Variants in MAGT1 observed in about 807,000 individuals in gnomAD.
MAGT1 encodes the protein dolichyl-diphosphooligosaccharide--protein glycosyltransferase subunit MAGT1.
Under a neutral mutation model 28.4 loss-of-function variants are expected in MAGT1, and 4 were observed. The observed-to-expected ratio is 0.14, with a 90% CI of 0.07 to 0.32. MAGT1 has a LOEUF of 0.32. MAGT1 is among the 10% of genes least tolerant of loss of function. The pLI, the probability that MAGT1 is intolerant of heterozygous loss-of-function variation, is 1.00. For missense variants in MAGT1, 193 were observed against 264.5 expected (o/e 0.73, Z 1.88); for synonymous variants, 89 against 89.7 (o/e 0.99, Z 0.04).
At position 77,830,828 on chromosome X, in the gene MAGT1, A is replaced by C; in HGVS notation, c.969T>G (p.Ser323=). The C allele has an allele frequency of 2.6e-6, 3 of 1,153,668 alleles. No individual in the cohort carries two copies. The highest frequency in any genetic ancestry group is 3.5e-6 in the Non-Finnish European group (3 of 855,730). ...ACCTGTATGGGTAGCCATGATATTT[A>C]GATCTAAAAATAGAGAGCATCCAAC... ...FFSWMLSIFR[S]KYHGYPYSFL... is the part of the protein sequence containing the mutation. The change falls in exon 9 of 10, where the codon TCT becomes TCG. Residue 323 remains serine (S), a synonymous_variant. Coordinates refer to ENST00000618282, the MANE Select transcript of MAGT1 (RefSeq NM_001367916.1).
In MAGT1 at chrX:77,889,780, T is replaced by C. The variant is rs2077077346; in HGVS notation, c.102+5529A>G. ...TCCATCTCCTCAAGCATTTATCCTT[T>C]GTGTTACAAACAATCCTATTATACT... On this transcript the variant is annotated intron_variant, in intron 1 of 9. Transcript: ENST00000618282. 2.7e-5 allele frequency among the ~76,000 whole-genome samples: 3 copies of C among 112,158 alleles called. No homozygotes were observed. The South Asian group carries it at 1.1e-3, about 41-fold the overall frequency.
intron 7 of MAGT1, among the ~76,000 whole-genome samples, chrX:77,841,587 A>G (rs1205242229): frequency 8.9e-6 from 1 of 111,742 alleles, no homozygotes; most frequent in African/African-American, 3.2e-5. Context: ...TACAGATGAA[A>G]TATGAGTTTT....
chrX:77,891,114 T>C (rs1557219453), intron 1 of MAGT1, among the ~76,000 whole-genome samples: 1 of 111,062 alleles, frequency 9.0e-6, no homozygotes, highest in African/African-American at 3.3e-5. Context: ...GATGCGAGGA[T>C]GAACAACTTC....
rs1603358301 is a variant in MAGT1 at position 77,828,244 on chromosome X, G to A, written c.*976C>T. 1 of 110,724 alleles carries A rather than the reference G, an allele frequency of 9.0e-6. No homozygotes were observed. Among genetic ancestry groups the A allele is most frequent in the Admixed American group, 9.7e-5 (1 of 10,316 alleles). The allele number at this position is 110,724 out of a possible 1,213,427, so 9.1% of individuals were successfully genotyped here. ...ATCCACCTGCCTCGGACTCCCAATA[G>A]ATGTCTTTTCATGTTCACAGCTATC... On this transcript the variant is annotated 3_prime_UTR_variant, in exon 10 of 10. Coordinates refer to ENST00000618282, the MANE Select transcript of MAGT1 (RefSeq NM_001367916.1).
intron 3 of MAGT1, among the ~76,000 whole-genome samples, chrX:77,862,596 T>C (rs781862182): frequency 1.8e-5 from 2 of 111,548 alleles, no homozygotes; most frequent in South Asian, 3.7e-4. Context: ...ACAAAGGACA[T>C]GAATAGACAT....
At chrX:77,895,452 T>C (rs782514247), upstream of MAGT1, 1 of 1,200,517 alleles carries the variant, frequency 8.3e-7, no homozygotes, top group Non-Finnish European at 1.1e-6. Flanking sequence ...TTGCTCCGGC[T>C]AGGTCTGAGG....
chrX:77,846,769 T>G (rs1323835151), intron 7 of MAGT1, among the ~76,000 whole-genome samples: 7 of 111,733 alleles, frequency 6.3e-5, no homozygotes, highest in Admixed American at 5.7e-4. Context: ...ACAGCAAATG[T>G]TGCTGCCTGA....
chrX:77,875,571 C>G lies in MAGT1; in HGVS notation c.129G>C (p.Gln43His). ...GTCTTTTGTTAGTCCATTCCATCAGCTGACTAACCTTTTCAGATAACACCA... is the reference window on the plus strand; with the variant it reads ...GTCTTTTGTTAGTCCATTCCATCAGGTGACTAACCTTTTCAGATAACACCA... The part of the protein sequence containing the change: ...KEMVLSEKVS[Q>H]LMEWTNKRPV... Residue 43 changes from glutamine (Q) to histidine (H), a missense_variant, in exon 2 of 10, where the codon CAG (glutamine) becomes CAC (histidine). Coordinates refer to ENST00000618282, the MANE Select transcript of MAGT1 (RefSeq NM_001367916.1). 3 of 1,208,476 alleles carry G rather than the reference C, an allele frequency of 2.5e-6. No individual in the cohort carries two copies. Among genetic ancestry groups the G allele is most frequent in the Non-Finnish European group, 3.4e-6 (3 of 894,131 alleles).
chrX:77,830,938 TAATA>T (rs782335423), intron 8 of MAGT1, 43 bp from the exon 9 acceptor site: 1 of 646,055 alleles, frequency 1.5e-6, no homozygotes, highest in East Asian at 4.0e-5. Flanking sequence ...AGGTTGAGTA[TAATA>T]AATAACCATG....
At chrX:77,884,777 A>C (rs1557218831) in intron 1 of MAGT1, among the ~76,000 whole-genome samples, 2 of 106,930 alleles carry the variant, frequency 1.9e-5, no homozygotes, top group African/African-American at 3.4e-5. Flanking sequence ...CCAATCCCAC[A>C]ATATTGTTCT....
chrX:77,849,708 T>C (rs2076961801), intron 7 of MAGT1, among the ~76,000 whole-genome samples: 1 of 109,060 alleles, frequency 9.2e-6, no homozygotes, highest in African/African-American at 3.3e-5. Flanking sequence ...CCATCTCTAC[T>C]AAAAATATCA....
chrX:77,868,962 C>G (rs1557217105), intron 3 of MAGT1, among the ~76,000 whole-genome samples: 1 of 112,110 alleles, frequency 8.9e-6, no homozygotes, highest in African/African-American at 3.2e-5. Flanking sequence ...CAAAAGAAAT[C>G]AACTCAAGAT....
At chrX:77,844,434 G>C (rs1453976441) in intron 7 of MAGT1, among the ~76,000 whole-genome samples, 1 of 111,223 alleles carries the variant, frequency 9.0e-6, no homozygotes, top group African/African-American at 3.3e-5. Flanking sequence ...AGGGTTTTTT[G>C]TGTCTATTTC....
At chrX:77,846,657 C>T (rs1024995897) in intron 7 of MAGT1, among the ~76,000 whole-genome samples, 1 of 112,366 alleles carries the variant, frequency 8.9e-6, no homozygotes, top group South Asian at 3.6e-4. Context: ...TAACAGTCAG[C>T]ACCCTCAGCT....
intron 8 of MAGT1, among the ~76,000 whole-genome samples, chrX:77,840,934 GA>G (rs2076933115): frequency 8.9e-6 from 1 of 112,023 alleles, no homozygotes; most frequent in African/African-American, 3.2e-5. Flanking sequence ...AAGGGGGTGT[GA>G]AGTGTCAAAA....
chrX:77,891,170 C>A (rs1276251758), intron 1 of MAGT1, among the ~76,000 whole-genome samples: 2 of 110,970 alleles, frequency 1.8e-5, no homozygotes, highest in Non-Finnish European at 3.8e-5. Flanking sequence ...TAAAACCAGT[C>A]GCTGCAAAAA....
chrX:77,835,124 T>G (rs2149010257), intron 8 of MAGT1, among the ~76,000 whole-genome samples: 1 of 108,429 alleles, frequency 9.2e-6, no homozygotes, highest in South Asian at 4.1e-4. Flanking sequence ...CCCAGCTAAT[T>G]TTTTTGTATT....
intron 7 of MAGT1, among the ~76,000 whole-genome samples, chrX:77,849,074 CTTTTTTT>C (rs538635480): frequency 1.0e-5 from 1 of 97,353 alleles, no homozygotes; most frequent in Non-Finnish European, 2.1e-5. Context: ...ATTGTGTTTT[CTTTTTTT>C]TTTTTTTTAT....
chrX:77,880,957 C>CAA (rs11285161), intron 1 of MAGT1, among the ~76,000 whole-genome samples: 246 of 35,029 alleles, frequency 7.0e-3, no homozygotes, highest in East Asian at 9.6e-3. Flanking sequence ...GAATCTGTCT[C>CAA]AAAAAAAAAA....
Sources: gnomAD v4.1 joint callset for allele counts (sites outside exome capture counted in the v4.1 genomes callset) on GRCh38, gnomAD v4.1.1 for gene constraint, MANE v1.5 for transcripts, NCBI Gene and HGNC (gene_info 2026-07-23, HGNC 2026-07-21) for gene names.